The following CERKL variants were observed in gnomAD, a reference collection of about 807,000 sequenced individuals.
CERKL encodes the protein ceramide kinase-like protein.
CERKL carries 61 observed loss-of-function variants against 63.4 expected under a neutral mutation model. The ratio of observed to expected loss-of-function variants is 0.96; its 90% CI spans 0.78 to 1.19. The LOEUF (loss-of-function observed/expected upper bound fraction) is 1.19, where lower values mean the gene tolerates loss of function less well. Ranked by LOEUF, CERKL falls within the 50% of genes most tolerant of loss-of-function variation. The probability of loss-of-function intolerance (pLI) is 0.00; values close to 1 mark genes in which losing one functional copy is unlikely to be tolerated. For missense variants in CERKL, 675 were observed against 655.5 expected (o/e 1.03, Z -0.33); for synonymous variants, 250 against 230.5 (o/e 1.08, Z -0.77).
intron 11 of CERKL, among the ~76,000 whole-genome samples, chr2:181,544,294 C>G (rs1270395660): frequency 6.6e-6 from 1 of 152,142 alleles, no homozygotes; most frequent in Admixed American, 6.6e-5. Context: ...GATATGCAAA[C>G]AAATGTCAGG....
intron 2 of CERKL, among the ~76,000 whole-genome samples, chr2:181,588,914 T>C (rs948984601): frequency 1.3e-5 from 2 of 152,222 alleles, no homozygotes; most frequent in African/African-American, 4.8e-5. Flanking sequence ...CCTTTGCTCA[T>C]TTTTTATTCA....
At position 181,557,043 on chromosome 2, in the gene CERKL, T is replaced by C. The variant is rs2105817620; in HGVS notation, c.820+1523A>G. Among the ~76,000 whole-genome samples the C allele has an allele frequency of 2.0e-5, 3 of 152,332 alleles. No homozygotes were observed. In the East Asian group the frequency reaches 5.8e-4, roughly 29 times the overall value. On this transcript the variant is annotated intron_variant, in intron 5 of 12. Transcript: ENST00000410087. ...GTCTTTTGGCTGCATAAATGTCTTC[T>C]TTTGAGAAGTGTCTGTTCATATCCT...
At chr2:181,595,006 T>A (rs1490949667) in intron 2 of CERKL, among the ~76,000 whole-genome samples, 1 of 152,208 alleles carries the variant, frequency 6.6e-6, no homozygotes, top group Non-Finnish European at 1.5e-5. Context: ...TTATTCATAC[T>A]GTGAGAGTAG....
At chr2:181,586,412 A>G (rs1376855125) in intron 2 of CERKL, among the ~76,000 whole-genome samples, 1 of 152,136 alleles carries the variant, frequency 6.6e-6, no homozygotes. Context: ...TATGAAAGCT[A>G]TATTGAGACA....
chr2:181,624,884 A>AT (rs1559111892), intron 1 of CERKL, among the ~76,000 whole-genome samples: 1 of 152,236 alleles, frequency 6.6e-6, no homozygotes, highest in African/African-American at 2.4e-5. Context: ...GTTGTAGAAC[A>AT]TAAGTTTGAG....
intron 1 of CERKL, among the ~76,000 whole-genome samples, chr2:181,635,497 G>A (rs1226768750): frequency 1.3e-5 from 2 of 152,086 alleles, no homozygotes; most frequent in Non-Finnish European, 2.9e-5. Context: ...GATTTCAACT[G>A]TAATAAGTTT....
At chr2:181,656,585 C>G (rs1417507990) in intron 1 of CERKL, among the ~76,000 whole-genome samples, 184 bp downstream of exon 1, 1 of 151,216 alleles carries the variant, frequency 6.6e-6, no homozygotes, top group Non-Finnish European at 1.5e-5. Context: ...GGCGTGAGTT[C>G]CCAGTTGGGA....
intron 2 of CERKL, among the ~76,000 whole-genome samples, chr2:181,574,761 T>A (rs1574463396): frequency 6.6e-6 from 1 of 152,192 alleles, no homozygotes; most frequent in Non-Finnish European, 1.5e-5. Flanking sequence ...CTATTTTTAA[T>A]AAAAACCATT....
chr2:181,627,662 T>C (rs1311989130), intron 1 of CERKL, among the ~76,000 whole-genome samples: 1 of 152,200 alleles, frequency 6.6e-6, no homozygotes, highest in Non-Finnish European at 1.5e-5. Flanking sequence ...ATGACAATCA[T>C]CTGGTTTCAT....
At chr2:181,576,910 T>C (rs985193333) in intron 2 of CERKL, among the ~76,000 whole-genome samples, 2 of 152,100 alleles carry the variant, frequency 1.3e-5, no homozygotes, top group African/African-American at 2.4e-5. Flanking sequence ...TAGTGAAAAA[T>C]TGGTAGATTC....
At chr2:181,594,229 C>T (rs181608013) in intron 2 of CERKL, among the ~76,000 whole-genome samples, 1 of 152,290 alleles carries the variant, frequency 6.6e-6, no homozygotes, top group South Asian at 2.1e-4. Context: ...ACTTACTAAT[C>T]TCTGTGCTAA....
intron 1 of CERKL, chr2:181,649,840 G>A (rs28874657): frequency 0.25 from 38,409 of 151,992 alleles, 6,875 homozygotes; most frequent in African/African-American, 0.51. Flanking sequence ...GAACAGCCTG[G>A]GCAACATGGC....
rs745552775 is a variant in CERKL at position 181,657,073 on chromosome 2, G to A, written c.-67C>T. 6.4e-6 allele frequency: 9 copies of A among 1,397,028 alleles called. No individual in the cohort carries two copies. The highest frequency in any genetic ancestry group is 4.3e-5 in the African/African-American group (3 of 70,208). The allele number at this position is 1,397,028 out of a possible 1,614,324, so 86.5% of individuals were successfully genotyped here. ...GCCTTTGGAGAAGGAGGTGGAGGGC[G>A]CGGCAGCCCCAGCTCTAGCCGCGTC... is the stretch of plus-strand genomic sequence containing the variant. On this transcript the variant is annotated 5_prime_UTR_variant, in exon 1 of 13. Coordinates refer to ENST00000410087, the MANE Select transcript of CERKL (RefSeq NM_201548.5).
chr2:181,627,027 G>A (rs1395286925), intron 1 of CERKL, among the ~76,000 whole-genome samples: 1 of 152,188 alleles, frequency 6.6e-6, no homozygotes, highest in Non-Finnish European at 1.5e-5. Context: ...TTTAGAGATT[G>A]TATTGGTTTC....
At chr2:181,578,255 T>TG (rs1239941352) in intron 2 of CERKL, among the ~76,000 whole-genome samples, 76 of 128,080 alleles carry the variant, frequency 5.9e-4, no homozygotes, top group African/African-American at 2.2e-3. Context: ...TATATATGTG[T>TG]GTGGGGGGGT....
intron 1 of CERKL, among the ~76,000 whole-genome samples, chr2:181,621,334 CAAATTATGCCAGTCAGCTGATA>C (rs1427512457): frequency 6.6e-6 from 1 of 152,140 alleles, no homozygotes; most frequent in African/African-American, 2.4e-5. Context: ...ATATAATTCA[CAAATTATGCCAGTCAGCTGATA>C]TAGTTTAGGC....
chr2:181,597,428 G>T (rs889557109), intron 2 of CERKL, among the ~76,000 whole-genome samples: 2 of 152,094 alleles, frequency 1.3e-5, no homozygotes, highest in Admixed American at 1.3e-4. Context: ...TTAGAAAGAA[G>T]ATCAAAGTTA....
At chr2:181,538,336 A>AATTG in intron 12 of CERKL, 92 bp from the exon 13 acceptor site, 1 of 723,000 alleles carries the variant, frequency 1.4e-6, no homozygotes, top group East Asian at 2.5e-5. Flanking sequence ...GCCAAATACA[A>AATTG]ATTGATAACA....
intron 2 of CERKL, among the ~76,000 whole-genome samples, chr2:181,581,597 T>C (rs1684517169): frequency 6.6e-6 from 1 of 152,210 alleles, no homozygotes; most frequent in Non-Finnish European, 1.5e-5. Flanking sequence ...AAGGCCATGT[T>C]ATTGCTGACA....
Sources: gnomAD v4.1 joint callset for allele counts (sites outside exome capture counted in the v4.1 genomes callset) on GRCh38, gnomAD v4.1.1 for gene constraint, MANE v1.5 for transcripts, NCBI Gene and HGNC (gene_info 2026-07-23, HGNC 2026-07-21) for gene names.